ZMAT4: variants seen among roughly 807,000 people sequenced by gnomAD.
ZMAT4 encodes zinc finger matrin-type 4.
ZMAT4 carries 17 observed loss-of-function variants against 28.7 expected under a neutral mutation model. The observed-to-expected ratio is 0.59, with a 90% CI of 0.41 to 0.89. The LOEUF is 0.89. ZMAT4 is among the 40% of genes least tolerant of loss of function. The pLI is 0.00. For missense variants in ZMAT4, 240 were observed against 283.8 expected (o/e 0.85, Z 1.11); for synonymous variants, 117 against 109.2 (o/e 1.07, Z -0.44).
At chr8:40,569,032 G>A (rs1452150530) in intron 6 of ZMAT4, among the ~76,000 whole-genome samples, 2 of 152,120 alleles carry the variant, frequency 1.3e-5, no homozygotes, top group Non-Finnish European at 2.9e-5. Context: ...CTGTTTTAAT[G>A]TCCCAAACAC....
At chr8:40,613,155 T>C (rs1163065406) in intron 5 of ZMAT4, among the ~76,000 whole-genome samples, 2 of 129,276 alleles carry the variant, frequency 1.5e-5, no homozygotes, top group Non-Finnish European at 3.2e-5. Flanking sequence ...ACCTACCCTT[T>C]CTTTCTTTCT....
intron 3 of ZMAT4, among the ~76,000 whole-genome samples, chr8:40,702,250 A>G (rs1171679014): frequency 6.6e-6 from 1 of 152,194 alleles, no homozygotes; most frequent in Non-Finnish European, 1.5e-5. Context: ...GAATTAGGAC[A>G]TCACTTTCAT....
intron 3 of ZMAT4, among the ~76,000 whole-genome samples, chr8:40,731,227 G>A (rs1811528228): frequency 6.8e-6 from 1 of 146,768 alleles, no homozygotes; most frequent in South Asian, 2.1e-4. Flanking sequence ...CCCTTCCCCT[G>A]TATTTTTCTT....
chr8:40,638,363 G>T (rs888625952), intron 5 of ZMAT4, among the ~76,000 whole-genome samples: 3 of 152,104 alleles, frequency 2.0e-5, no homozygotes, highest in African/African-American at 7.2e-5. Context: ...TAAAGATAAA[G>T]TTAAAACAAT....
intron 5 of ZMAT4, among the ~76,000 whole-genome samples, chr8:40,623,262 TG>T (rs1187057172): frequency 2.6e-5 from 4 of 152,172 alleles, no homozygotes; most frequent in Non-Finnish European, 4.4e-5. Context: ...CCTGGCTTCA[TG>T]GCAGGCACTA....
At chr8:40,754,128 C>T (rs558896374) in intron 3 of ZMAT4, among the ~76,000 whole-genome samples, 1 of 151,562 alleles carries the variant, frequency 6.6e-6, no homozygotes, top group South Asian at 2.1e-4. Flanking sequence ...GCCGAGATCA[C>T]GCCACTGCAC....
intron 1 of ZMAT4, among the ~76,000 whole-genome samples, chr8:40,827,652 T>C (rs954168848): frequency 2.6e-5 from 4 of 152,204 alleles, no homozygotes; most frequent in Non-Finnish European, 4.4e-5. Flanking sequence ...GGTTTTTCAA[T>C]GCCCCCAGCA....
intron 5 of ZMAT4, among the ~76,000 whole-genome samples, chr8:40,613,727 A>C (rs1008461779): frequency 1.3e-5 from 2 of 152,148 alleles, no homozygotes; most frequent in African/African-American, 4.8e-5. Context: ...TTGCCCTGAA[A>C]GTGCCAGGCC....
At chr8:40,577,712 T>A (rs72636926) in intron 6 of ZMAT4, among the ~76,000 whole-genome samples, 12,055 of 152,104 alleles carry the variant, frequency 0.079, 570 homozygotes, top group Non-Finnish European at 0.11. Context: ...TATAAATATA[T>A]ATCAAAATAT....
intron 2 of ZMAT4, among the ~76,000 whole-genome samples, chr8:40,800,376 C>G (rs1814786611): frequency 6.6e-6 from 1 of 152,034 alleles, no homozygotes; most frequent in African/African-American, 2.4e-5. Context: ...AACACAACAC[C>G]ATTAATCAAT....
At chr8:40,817,360 C>G (rs1815585276) in intron 2 of ZMAT4, among the ~76,000 whole-genome samples, 2 of 152,120 alleles carry the variant, frequency 1.3e-5, no homozygotes, top group African/African-American at 4.8e-5. Flanking sequence ...GACCCAAGAT[C>G]CATTTCTGAT....
chr8:40,773,126 T>G (rs1813450304), intron 2 of ZMAT4, among the ~76,000 whole-genome samples: 1 of 152,184 alleles, frequency 6.6e-6, no homozygotes, highest in South Asian at 2.1e-4. Flanking sequence ...CGAATGGAAC[T>G]CTTTTCCAAA....
intron 2 of ZMAT4, among the ~76,000 whole-genome samples, chr8:40,820,198 ATGTG>A (rs1290442945): frequency 7.7e-6 from 1 of 129,286 alleles, no homozygotes; most frequent in African/African-American, 2.9e-5. Context: ...GCGGGTGTGT[ATGTG>A]TGTGTTTATG....
chr8:40,670,727 A>G (rs1003957863), intron 5 of ZMAT4, among the ~76,000 whole-genome samples: 4 of 152,232 alleles, frequency 2.6e-5, no homozygotes, highest in Non-Finnish European at 4.4e-5. Context: ...TGACATAAAC[A>G]GACACTTCAC....
intron 6 of ZMAT4, among the ~76,000 whole-genome samples, chr8:40,551,427 A>G (rs570366427): frequency 2.0e-5 from 3 of 152,324 alleles, no homozygotes; most frequent in African/African-American, 7.2e-5. Context: ...ATATATCATC[A>G]TCAATCAAGG....
chr8:40,632,312 T>C (rs571569294), intron 5 of ZMAT4, among the ~76,000 whole-genome samples: 1 of 152,330 alleles, frequency 6.6e-6, no homozygotes, highest in East Asian at 1.9e-4. Context: ...CAAAATAGTT[T>C]TATAGATTTT....
At position 40,742,087 on chromosome 8, in the gene ZMAT4, A is replaced by AAAAAACC. The variant is rs1554549262; in HGVS notation, c.192+25553_192+25554insGGTTTTT. 3.5e-3 allele frequency among the ~76,000 whole-genome samples: 527 copies of AAAAAACC among 148,694 alleles called. 2 individuals are homozygous for AAAAAACC. The highest frequency in any genetic ancestry group is 5.1e-3 in the Non-Finnish European group (342 of 67,372). ...AACTCTGTCTCTACTAAAAATACAA[A>AAAAAACC]AAAAAACAAAAAACAAAAAACCAAG... On this transcript the variant is annotated intron_variant, in intron 3 of 6. Coordinates refer to ENST00000297737, the MANE Select transcript of ZMAT4 (RefSeq NM_024645.3).
chr8:40,614,412 G>A (rs746963126), intron 5 of ZMAT4, among the ~76,000 whole-genome samples: 3 of 152,184 alleles, frequency 2.0e-5, no homozygotes, highest in Non-Finnish European at 2.9e-5. Context: ...TTGATTTGGG[G>A]TGGAGAGTTC....
At chr8:40,688,228 C>G (rs1258216896) in intron 4 of ZMAT4, among the ~76,000 whole-genome samples, 1 of 152,102 alleles carries the variant, frequency 6.6e-6, no homozygotes, top group African/African-American at 2.4e-5. Flanking sequence ...GAGGCCCAGA[C>G]AGGTGGATCA....
Sources: gnomAD v4.1 joint callset for allele counts (sites outside exome capture counted in the v4.1 genomes callset) on GRCh38, gnomAD v4.1.1 for gene constraint, MANE v1.5 for transcripts, NCBI Gene and HGNC (gene_info 2026-07-23, HGNC 2026-07-21) for gene names.